IFT25: variants seen among roughly 807,000 people sequenced by gnomAD.
IFT25 encodes the protein intraflagellar transport 25.
the IFT25 span, among the ~76,000 whole-genome samples, chr1:53,929,197 C>A: frequency 6.6e-6 from 1 of 152,136 alleles, no homozygotes; most frequent in African/African-American, 2.4e-5. Context: ...GGGAGATCAG[C>A]CAATTTTATC....
At chr1:53,932,353 A>AT in the IFT25 span, among the ~76,000 whole-genome samples, 1 of 151,380 alleles carries the variant, frequency 6.6e-6, no homozygotes, top group Non-Finnish European at 1.5e-5. Flanking sequence ...AAAAAGAAAG[A>AT]TTTTCTAAGA....
the IFT25 span, among the ~76,000 whole-genome samples, chr1:53,913,883 G>A: frequency 6.6e-6 from 1 of 152,170 alleles, no homozygotes; most frequent in African/African-American, 2.4e-5. Flanking sequence ...TACAACGCAG[G>A]AAGAAAGGGT....
chr1:53,916,139 T>C, the IFT25 span, among the ~76,000 whole-genome samples: 1 of 150,454 alleles, frequency 6.6e-6, no homozygotes, highest in African/African-American at 2.5e-5. Flanking sequence ...GAGCTGTGTT[T>C]GTGCCACTGC....
At chr1:53,914,214 G>A in the IFT25 span, among the ~76,000 whole-genome samples, 1 of 152,100 alleles carries the variant, frequency 6.6e-6, no homozygotes, top group African/African-American at 2.4e-5. Flanking sequence ...ACCATGACAC[G>A]TTTAATAAAG....
At chr1:53,925,192 C>A in the IFT25 span, among the ~76,000 whole-genome samples, 1 of 152,120 alleles carries the variant, frequency 6.6e-6, no homozygotes, top group Non-Finnish European at 1.5e-5. Flanking sequence ...ACTTCTCCCT[C>A]TTTACCTCCT....
the IFT25 span, among the ~76,000 whole-genome samples, chr1:53,935,398 G>A: frequency 1.3e-5 from 2 of 152,296 alleles, no homozygotes; most frequent in African/African-American, 4.8e-5. Flanking sequence ...CTTGCCTAGG[G>A]CTAGTATGGA....
the IFT25 span, among the ~76,000 whole-genome samples, chr1:53,936,548 C>T: frequency 6.6e-6 from 1 of 152,096 alleles, no homozygotes; most frequent in Admixed American, 6.5e-5. Flanking sequence ...ATAGCTAACA[C>T]CTATTTTACA....
the IFT25 span, among the ~76,000 whole-genome samples, chr1:53,918,648 C>G: frequency 1.3e-5 from 2 of 152,166 alleles, no homozygotes; most frequent in African/African-American, 4.8e-5. Flanking sequence ...TGTCGCTTTA[C>G]TTGTTCCTCT....
chr1:53,939,953 G>T, the IFT25 span: 90 of 1,238,656 alleles, frequency 7.3e-5, no homozygotes, highest in East Asian at 2.1e-3. Flanking sequence ...ACCGATTTAA[G>T]ACTGTAAACA....
the IFT25 span, chr1:53,946,237 C>T: frequency 1.3e-5 from 2 of 152,020 alleles, no homozygotes; most frequent in Non-Finnish European, 2.9e-5. Context: ...CAGGGCCCAC[C>T]TCTGCGAGTT....
At chr1:53,944,270 G>A in the IFT25 span, among the ~76,000 whole-genome samples, 2 of 152,130 alleles carry the variant, frequency 1.3e-5, no homozygotes, top group South Asian at 2.1e-4. Context: ...TTGGAAGGCC[G>A]AGGTGGGCGA....
At chr1:53,916,447 C>A in the IFT25 span, 1 of 152,632 alleles carries the variant, frequency 6.6e-6, no homozygotes, top group Non-Finnish European at 1.5e-5. Flanking sequence ...ACTCACCAGG[C>A]CTGTGCCAAA....
chr1:53,946,032 TCCCACAGGCCCCG>T, the IFT25 span: 1 of 145,788 alleles, frequency 6.9e-6, no homozygotes. Flanking sequence ...GCGCCACGCC[TCCCACAGGCCCCG>T]CCCACAATCG....
chr1:53,931,887 G>A, the IFT25 span, among the ~76,000 whole-genome samples: 1 of 151,908 alleles, frequency 6.6e-6, no homozygotes, highest in East Asian at 1.9e-4. Flanking sequence ...TTTACTTTGG[G>A]TTTAATTTGC....
At chr1:53,943,687 G>A in the IFT25 span, among the ~76,000 whole-genome samples, 1 of 151,870 alleles carries the variant, frequency 6.6e-6, no homozygotes, top group South Asian at 2.1e-4. Flanking sequence ...GCAATGACTC[G>A]ATCTCGGCTA....
chr1:53,928,398 A>G, the IFT25 span: 21 of 1,613,400 alleles, frequency 1.3e-5, no homozygotes, highest in Non-Finnish European at 1.8e-5. Context: ...CTCAAAATCA[A>G]CTGGCTCTTT....
At chr1:53,925,263 C>G in the IFT25 span, among the ~76,000 whole-genome samples, 323 of 152,220 alleles carry the variant, frequency 2.1e-3, no homozygotes, top group African/African-American at 7.2e-3. Flanking sequence ...GTTATTTACT[C>G]CTGAAATAAT....
the IFT25 span, chr1:53,916,877 C>G: frequency 2.5e-6 from 1 of 393,348 alleles, no homozygotes; most frequent in Non-Finnish European, 4.5e-6. Context: ...CGCAGTGGCT[C>G]ACACCTGTAA....
At chr1:53,939,382 C>T in the IFT25 span, among the ~76,000 whole-genome samples, 1 of 143,004 alleles carries the variant, frequency 7.0e-6, no homozygotes, top group Non-Finnish European at 1.5e-5. Context: ...CAGAGTGAGA[C>T]TCTGTCTCAA....
Sources: allele counts gnomAD v4.1 joint callset (sites outside exome capture counted in the v4.1 genomes callset), GRCh38; gene constraint gnomAD v4.1.1; transcripts MANE v1.5; gene names NCBI Gene and HGNC (gene_info 2026-07-23, HGNC 2026-07-21).